NELL1: variants seen among roughly 807,000 people sequenced by gnomAD.
The protein encoded by NELL1 is neural EGFL like 1.
In NELL1, 76 loss-of-function variants were observed where a neutral mutation model predicts 107.4. The ratio of observed to expected loss-of-function variants is 0.71; its 90% CI spans 0.59 to 0.86. The LOEUF (loss-of-function observed/expected upper bound fraction) is 0.86, where lower values mean the gene tolerates loss of function less well. Ranked by LOEUF, NELL1 falls within the 40% of genes least tolerant of loss-of-function variation. NELL1 has a pLI of 0.00. For missense variants in NELL1, 1,024 were observed against 1,005.5 expected (o/e 1.02, Z -0.25); for synonymous variants, 353 against 341.2 (o/e 1.03, Z -0.38).
chr11:21,313,611 C>G (rs115397717), intron 14 of NELL1, among the ~76,000 whole-genome samples: 2,842 of 152,184 alleles, frequency 0.019, 90 homozygotes, highest in African/African-American at 0.066. Context: ...TCTTACAGTT[C>G]TAGAGGCTGG....
At chr11:21,174,010 A>G (rs1360227241) in intron 13 of NELL1, among the ~76,000 whole-genome samples, 1 of 151,810 alleles carries the variant, frequency 6.6e-6, no homozygotes, top group Admixed American at 6.6e-5. Flanking sequence ...TCCAGTAGCA[A>G]CTAAATGCTA....
At chr11:20,693,043 G>T (rs1361550256) in intron 2 of NELL1, among the ~76,000 whole-genome samples, 2 of 151,792 alleles carry the variant, frequency 1.3e-5, no homozygotes, top group Non-Finnish European at 2.9e-5. Context: ...TTATATAATG[G>T]CCTTCTTTGT....
chr11:21,093,784 A>G (rs1245349478), intron 12 of NELL1, among the ~76,000 whole-genome samples: 2 of 152,146 alleles, frequency 1.3e-5, no homozygotes, highest in East Asian at 1.9e-4. Flanking sequence ...ATTCGCTATC[A>G]TGAGAACTGC....
chr11:21,385,137 A>G (rs1851709838), intron 15 of NELL1, among the ~76,000 whole-genome samples: 1 of 151,626 alleles, frequency 6.6e-6, no homozygotes, highest in South Asian at 2.1e-4. Context: ...TTGCTGTGTT[A>G]TTGTTCTTCG....
intron 15 of NELL1, among the ~76,000 whole-genome samples, chr11:21,405,904 T>C (rs758016633): frequency 2.0e-5 from 3 of 151,994 alleles, no homozygotes; most frequent in African/African-American, 4.8e-5. Context: ...CCTGGGAAGA[T>C]GCTTGCTAGG....
In NELL1 at chr11:21,542,420, G is replaced by A. The variant is rs547135729; in HGVS notation, c.1786+7906G>A. 2.6e-5 allele frequency among the ~76,000 whole-genome samples: 4 copies of A among 152,162 alleles called. No homozygotes were observed. The East Asian group carries it at 7.8e-4, about 30-fold the overall frequency. ...GAGATTGAAAATACAAAAAAAGGGAGCATGAGAGAAAACAGATGAGACCCA... is the reference window on the plus strand; with the variant it reads ...GAGATTGAAAATACAAAAAAAGGGAACATGAGAGAAAACAGATGAGACCCA... On this transcript the variant is annotated intron_variant, in intron 16 of 19. Coordinates refer to ENST00000357134, the MANE Select transcript of NELL1 (RefSeq NM_006157.5).
intron 15 of NELL1, among the ~76,000 whole-genome samples, chr11:21,428,618 A>G (rs574314573): frequency 6.6e-6 from 1 of 152,276 alleles, no homozygotes; most frequent in East Asian, 1.9e-4. Context: ...TTTCATTTTT[A>G]TAGCTTATGA....
intron 13 of NELL1, among the ~76,000 whole-genome samples, chr11:21,124,029 C>T (rs1855431740): frequency 6.6e-6 from 1 of 152,088 alleles, no homozygotes; most frequent in Admixed American, 6.6e-5. Context: ...GAAACACAGA[C>T]AGGAAATATC....
At chr11:21,249,394 G>GT (rs934060586) in intron 14 of NELL1, among the ~76,000 whole-genome samples, 25 of 149,356 alleles carry the variant, frequency 1.7e-4, no homozygotes, top group African/African-American at 2.7e-4. Flanking sequence ...TTGAAAGAAG[G>GT]TTTTTTTTTC....
At chr11:21,240,573 G>T (rs1377083166) in intron 14 of NELL1, among the ~76,000 whole-genome samples, 1 of 152,036 alleles carries the variant, frequency 6.6e-6, no homozygotes, top group African/African-American at 2.4e-5. Context: ...ATAAAGGACT[G>T]CAAGTAGACA....
chr11:20,902,568 C>T (rs1457518514), intron 5 of NELL1, among the ~76,000 whole-genome samples: 1 of 152,024 alleles, frequency 6.6e-6, no homozygotes, highest in Non-Finnish European at 1.5e-5. Flanking sequence ...TTTGGGGATC[C>T]TTGTAATGTG....
intron 12 of NELL1, among the ~76,000 whole-genome samples, chr11:21,046,217 T>C (rs1853350506): frequency 1.3e-5 from 2 of 152,204 alleles, no homozygotes; most frequent in Admixed American, 1.3e-4. Context: ...ATAAGAAGAA[T>C]ATTTCTAAAA....
At chr11:21,566,532 A>G (rs1457035441) in intron 17 of NELL1, among the ~76,000 whole-genome samples, 1 of 151,938 alleles carries the variant, frequency 6.6e-6, no homozygotes, top group Admixed American at 6.6e-5. Context: ...AATAATTATT[A>G]ATTGCTTATC....
At chr11:21,515,224 C>A (rs1855527569) in intron 15 of NELL1, among the ~76,000 whole-genome samples, 1 of 152,114 alleles carries the variant, frequency 6.6e-6, no homozygotes, top group African/African-American at 2.4e-5. Flanking sequence ...GACTGTTGTG[C>A]TTCTACTTCT....
At chr11:21,401,477 T>C (rs932443837) in intron 15 of NELL1, among the ~76,000 whole-genome samples, 6 of 150,376 alleles carry the variant, frequency 4.0e-5, no homozygotes, top group African/African-American at 1.2e-4. Context: ...TTGTCCTGCA[T>C]CCTACTAACA....
At chr11:21,400,456 C>A (rs1002129863) in intron 15 of NELL1, among the ~76,000 whole-genome samples, 1 of 151,864 alleles carries the variant, frequency 6.6e-6, no homozygotes, top group African/African-American at 2.4e-5. Context: ...AAGTGAGGAA[C>A]ATTACATTTA....
intron 12 of NELL1, among the ~76,000 whole-genome samples, chr11:21,007,905 A>C (rs1260408294): frequency 1.3e-5 from 2 of 152,128 alleles, no homozygotes; most frequent in African/African-American, 4.8e-5. Context: ...CACATTTGTT[A>C]ATTTGCAAAG....
In NELL1 at chr11:20,915,717, A is replaced by ATATATATATATATTTTTTTTTTTTT; in HGVS notation, c.604-2464_604-2463insATATATATATATTTTTTTTTTTTTT. On this transcript the variant is annotated intron_variant, in intron 5 of 19. Transcript: ENST00000357134. ...TCATAGATGATATATATATATATATATTTTTTTTTTTTTTTTTTGAGAGGA... is the reference window on the plus strand; with the variant it reads ...TCATAGATGATATATATATATATATATATATATATATATTTTTTTTTTTTTTTTTTTTTTTTTTTTTTTGAGAGGA... Among the ~76,000 whole-genome samples the ATATATATATATATTTTTTTTTTTTT allele has an allele frequency of 6.7e-4, 39 of 58,204 alleles. 1 individual carries two copies. Among genetic ancestry groups the ATATATATATATATTTTTTTTTTTTT allele is most frequent in the African/African-American group, 2.8e-3 (32 of 11,306 alleles). The allele number at this position is 58,204 out of a possible 152,430, so 38.2% of individuals were successfully genotyped here.
At chr11:20,771,945 G>T (rs1180087955) in intron 2 of NELL1, among the ~76,000 whole-genome samples, 1 of 152,120 alleles carries the variant, frequency 6.6e-6, no homozygotes, top group African/African-American at 2.4e-5. Flanking sequence ...TTTCAATGCA[G>T]GCAGATTTTT....
Sources: allele counts gnomAD v4.1 joint callset (sites outside exome capture counted in the v4.1 genomes callset), GRCh38; gene constraint gnomAD v4.1.1; transcripts MANE v1.5; gene names NCBI Gene and HGNC (gene_info 2026-07-23, HGNC 2026-07-21).